Variants in TM9SF4 observed in about 807,000 individuals in gnomAD.
TM9SF4 encodes dinucleotide oxidase disulfide thiol exchanger 3 superfamily member 4.
Under a neutral mutation model 90.4 loss-of-function variants are expected in TM9SF4, and 26 were observed. The ratio of observed to expected loss-of-function variants is 0.29; its 90% CI spans 0.21 to 0.40. TM9SF4 has a LOEUF of 0.40. Among genes scored for constraint, TM9SF4 ranks in the 10% least tolerant of loss-of-function variants. The pLI, the probability that TM9SF4 is intolerant of heterozygous loss-of-function variation, is 1.00. For missense variants in TM9SF4, 549 were observed against 834.8 expected (o/e 0.66, Z 4.22); for synonymous variants, 293 against 315.4 (o/e 0.93, Z 0.75).
chr20:32,141,939 C>A, intron 5 of TM9SF4, 44 bp downstream of exon 5: 1 of 1,611,694 alleles, frequency 6.2e-7, no homozygotes, highest in Non-Finnish European at 8.5e-7. Context: ...AGCCACACCT[C>A]ACGAGTCCTG....
intron 3 of TM9SF4, among the ~76,000 whole-genome samples, chr20:32,139,736 C>T (rs2046644592): frequency 6.6e-6 from 1 of 152,248 alleles, no homozygotes; most frequent in Non-Finnish European, 1.5e-5. Flanking sequence ...TCCCACAGGC[C>T]CCCTGAGTAC....
chr20:32,149,077 T>C (rs892963266), intron 9 of TM9SF4, among the ~76,000 whole-genome samples: 1 of 152,224 alleles, frequency 6.6e-6, no homozygotes, highest in African/African-American at 2.4e-5. Flanking sequence ...CCCAATGTTA[T>C]TGTTTAAAGC....
chr20:32,147,005 G>A (rs1224596966), intron 9 of TM9SF4, 150 bp downstream of exon 9: 15 of 703,956 alleles, frequency 2.1e-5, no homozygotes, highest in South Asian at 1.8e-4. Flanking sequence ...TTTTTGAGAC[G>A]GAGTCTCGCT....
At position 32,166,659 on chromosome 20, in the gene TM9SF4, C is replaced by T. The variant is rs1047933989; in HGVS notation, c.*1215C>T. ...TCCCCAGGAATGGACAAGAAGCCAA[C>T]TTAGAAAGAAGGGTCTCACGTGGCT... is the stretch of plus-strand genomic sequence containing the variant. On this transcript the variant is annotated 3_prime_UTR_variant, in exon 18 of 18. Transcript: ENST00000398022. 2.0e-5 allele frequency: 3 copies of T among 152,286 alleles called. No homozygotes were observed. Among genetic ancestry groups the T allele is most frequent in the Non-Finnish European group, 4.4e-5 (3 of 68,094 alleles). The allele number at this position is 152,286 out of a possible 1,614,324, so 9.4% of individuals were successfully genotyped here. A position where few individuals can be genotyped will look rare whatever the true frequency, so the allele number is the denominator to read the frequency against.
intron 9 of TM9SF4, among the ~76,000 whole-genome samples, chr20:32,147,554 A>T (rs1173038537): frequency 6.6e-6 from 1 of 151,756 alleles, no homozygotes; most frequent in Non-Finnish European, 1.5e-5. Context: ...TCTTTGTTTT[A>T]AAAAAAACTA....
intron 12 of TM9SF4, among the ~76,000 whole-genome samples, chr20:32,152,691 C>T (rs888847476): frequency 6.6e-6 from 1 of 152,202 alleles, no homozygotes; most frequent in Non-Finnish European, 1.5e-5. Flanking sequence ...CCTGTGCCAT[C>T]CCCTCTGCCT....
chr20:32,146,725 T>C, intron 8 of TM9SF4, 60 bp from the exon 9 acceptor site: 2 of 1,541,932 alleles, frequency 1.3e-6, no homozygotes, highest in Non-Finnish European at 1.8e-6. Context: ...TAGGAGGGCA[T>C]GGAGCATGGG....
chr20:32,150,975 C>A, intron 12 of TM9SF4, 100 bp downstream of exon 12: 1 of 1,418,872 alleles, frequency 7.0e-7, no homozygotes, highest in Non-Finnish European at 9.7e-7. Context: ...GATTTTTGGG[C>A]CAGAAGCTGA....
rs1441592188 is a variant in TM9SF4, at chr20:32,109,737, C to CA, written c.-2dup. ...ACGTCATTACGGCGACACGTGGATC[C>CA]AAGATGGCGACGGCGATGGTGAGTG... is the stretch of plus-strand genomic sequence containing the variant. On this transcript the variant is annotated 5_prime_UTR_variant, in exon 1 of 18. Coordinates refer to ENST00000398022, the MANE Select transcript of TM9SF4 (RefSeq NM_014742.4). 1.9e-6 allele frequency: 3 copies of CA among 1,551,512 alleles called. No individual in the cohort carries two copies. Among genetic ancestry groups the CA allele is most frequent in the Admixed American group, 3.9e-5 (2 of 50,986 alleles).
chr20:32,149,926 G>C (rs1259760071), intron 10 of TM9SF4, among the ~76,000 whole-genome samples, 160 bp downstream of exon 10: 3 of 152,134 alleles, frequency 2.0e-5, no homozygotes, highest in Non-Finnish European at 4.4e-5. Flanking sequence ...GTCTATCTCA[G>C]CAACAGCCCC....
intron 15 of TM9SF4, among the ~76,000 whole-genome samples, chr20:32,158,918 G>A (rs1479247596): frequency 6.6e-6 from 1 of 151,880 alleles, no homozygotes; most frequent in African/African-American, 2.4e-5. Context: ...GGAGGTGGAG[G>A]TTGCAGTGAG....
intron 1 of TM9SF4, among the ~76,000 whole-genome samples, chr20:32,126,167 C>T (rs953684502): frequency 6.6e-6 from 1 of 151,526 alleles, no homozygotes; most frequent in Non-Finnish European, 1.5e-5. Flanking sequence ...CTTAAAATTC[C>T]TGAGTCTCCT....
intron 3 of TM9SF4, among the ~76,000 whole-genome samples, chr20:32,138,930 C>T (rs921159490): frequency 2.0e-5 from 3 of 152,224 alleles, no homozygotes; most frequent in Non-Finnish European, 2.9e-5. Flanking sequence ...TGATCCTCAG[C>T]TTGTCATCTA....
At chr20:32,132,236 T>C (rs2046528119) in intron 1 of TM9SF4, among the ~76,000 whole-genome samples, 1 of 152,118 alleles carries the variant, frequency 6.6e-6, no homozygotes, top group South Asian at 2.1e-4. Flanking sequence ...AAACCCCGTC[T>C]GATCTAAAAA....
chr20:32,161,956 G>A (rs1392204718), intron 17 of TM9SF4, among the ~76,000 whole-genome samples: 1 of 152,160 alleles, frequency 6.6e-6, no homozygotes, highest in African/African-American at 2.4e-5. Context: ...TAGGTAAAGT[G>A]TGGCCCAATA....
At chr20:32,109,793 G>T (rs1255491463) in intron 1 of TM9SF4, 38 bp downstream of exon 1, 1 of 1,551,434 alleles carries the variant, frequency 6.4e-7, no homozygotes, top group Non-Finnish European at 8.7e-7. Context: ...AGCTGGAGCG[G>T]GGCCCTCCGG....
In TM9SF4 at chr20:32,141,835, G is replaced by A. The variant is rs759459025; in HGVS notation, c.468G>A (p.Lys156=). 21 of 1,614,008 alleles carry A rather than the reference G, an allele frequency of 1.3e-5. No individual in the cohort carries two copies. The South Asian group carries it at 2.3e-4, about 18-fold the overall frequency. Residue 156 remains lysine, a synonymous_variant, in exon 5 of 18, where the codon AAG becomes AAA. Transcript: ENST00000398022. ...LYSNRDSDDK[K]KEKDVQFEHG... ...CCAACCGAGACAGCGATGACAAGAAGAAGGAAAAAGATGTGCAGTTTGAAC... is the reference window on the plus strand; with the variant it reads ...CCAACCGAGACAGCGATGACAAGAAAAAGGAAAAAGATGTGCAGTTTGAAC...
rs1434228553 is a variant in TM9SF4 at position 32,143,121 on chromosome 20, T to TGGCC, written c.652+19_652+22dup. ...AGGCTGGAGGGTGAGTGGGGAGGTG[T>TGGCC]GGCCGGAGGGGCAGGGCTGGATGGG... is the stretch of plus-strand genomic sequence containing the variant. On this transcript the variant is annotated intron_variant, in intron 6 of 17. Coordinates refer to ENST00000398022, the MANE Select transcript of TM9SF4 (RefSeq NM_014742.4). 6.2e-7 allele frequency: 1 copy of TGGCC among 1,611,802 alleles called. No homozygotes were observed.
chr20:32,158,672 C>G (rs1471934793), intron 15 of TM9SF4, among the ~76,000 whole-genome samples, 158 bp downstream of exon 15: 1 of 152,150 alleles, frequency 6.6e-6, no homozygotes, highest in Non-Finnish European at 1.5e-5. Flanking sequence ...ACAGCCTTCC[C>G]TCTCAGGGCA....
Sources: allele counts gnomAD v4.1 joint callset (sites outside exome capture counted in the v4.1 genomes callset), GRCh38; gene constraint gnomAD v4.1.1; transcripts MANE v1.5; gene names NCBI Gene and HGNC (gene_info 2026-07-23, HGNC 2026-07-21).